IQCH: variants seen among roughly 807,000 people sequenced by gnomAD.
The protein encoded by IQCH is IQ domain-containing protein H.
Under a neutral mutation model 117.0 loss-of-function variants are expected in IQCH, and 98 were observed. That is an observed-to-expected ratio of 0.84 (90% confidence interval 0.71 to 0.99). IQCH has a LOEUF of 0.99. Ranked by LOEUF, IQCH falls within the 50% of genes least tolerant of loss-of-function variation. IQCH has a pLI of 0.00. For synonymous variants in IQCH, 412 were observed against 448.2 expected (o/e 0.92, Z 1.02); for missense variants, 1,102 against 1,243.8 (o/e 0.89, Z 1.72).
At chr15:67,258,559 G>A (rs890745315) in intron 1 of IQCH, among the ~76,000 whole-genome samples, 20 of 150,430 alleles carry the variant, frequency 1.3e-4, no homozygotes, top group Admixed American at 3.3e-4. Flanking sequence ...TGAAGTTAAA[G>A]ATAATTGAGG....
intron 19 of IQCH, among the ~76,000 whole-genome samples, chr15:67,492,360 G>T (rs867595810): frequency 2.6e-5 from 4 of 152,162 alleles, no homozygotes; most frequent in African/African-American, 9.7e-5. Flanking sequence ...GCTGGGACAC[G>T]ACTGGAACCA....
intron 2 of IQCH, among the ~76,000 whole-genome samples, chr15:67,262,030 A>C (rs924841128): frequency 6.6e-6 from 1 of 152,178 alleles, no homozygotes; most frequent in Non-Finnish European, 1.5e-5. Flanking sequence ...TTGAGGCTGC[A>C]GTAAGCCTTG....
At chr15:67,288,853 GCA>G (rs1966658459) in intron 4 of IQCH, among the ~76,000 whole-genome samples, 1 of 152,144 alleles carries the variant, frequency 6.6e-6, no homozygotes, top group South Asian at 2.1e-4. Flanking sequence ...ACAGAAAGAA[GCA>G]CTGTGGGCTA....
intron 4 of IQCH, among the ~76,000 whole-genome samples, chr15:67,287,131 A>C (rs1187819120): frequency 1.3e-5 from 2 of 152,216 alleles, no homozygotes; most frequent in African/African-American, 4.8e-5. Flanking sequence ...CCCACTGGTC[A>C]TGATGAATTA....
At position 67,395,625 on chromosome 15, in the gene IQCH, C is replaced by A; in HGVS notation, c.1905+62C>A. ...TTTGAAACATCCTCTTGATCTTGGA[C>A]AATTTCCAAGTCTTCTGGAGCCAGA... On this transcript the variant is annotated intron_variant, in intron 13 of 20. Coordinates refer to ENST00000335894, the MANE Select transcript of IQCH (RefSeq NM_001031715.3). The surrounding 1 kb of genome is among the most constrained non-coding windows in gnomAD (Gnocchi z 4.0). 1.3e-6 allele frequency: 2 copies of A among 1,534,720 alleles called. No individual in the cohort carries two copies. Among genetic ancestry groups the A allele is most frequent in the Non-Finnish European group, 1.8e-6 (2 of 1,124,174 alleles).
chr15:67,320,142 A>G (rs1968045646), intron 4 of IQCH, among the ~76,000 whole-genome samples: 1 of 152,230 alleles, frequency 6.6e-6, no homozygotes, highest in South Asian at 2.1e-4. Context: ...ACTGCTCAGG[A>G]AGGGATGCCA....
chr15:67,315,216 C>G (rs551020919), intron 4 of IQCH, among the ~76,000 whole-genome samples: 1 of 152,244 alleles, frequency 6.6e-6, no homozygotes, highest in Admixed American at 6.5e-5. Context: ...CATATTTTCT[C>G]CTTATTAGAA....
Position 67,372,150 on chromosome 15 carries a change from C to T in IQCH, c.793C>T (p.Leu265=). 2 of 1,613,124 alleles carry T rather than the reference C, an allele frequency of 1.2e-6. No individual in the cohort carries two copies. Among genetic ancestry groups the T allele is most frequent in the Non-Finnish European group, 1.7e-6 (2 of 1,179,682 alleles). ...VKTPLRALKS[L]WDYDFLIYDG... ...AACACCTTTGAGAGCCCTGAAATCA[C>T]TGTGGGATTATGACTTTTTAATTTA... is the stretch of plus-strand genomic sequence containing the variant. Residue 265 remains leucine (L), a synonymous_variant, in exon 9 of 21, where the codon CTG becomes TTG. Coordinates refer to ENST00000335894, the MANE Select transcript of IQCH (RefSeq NM_001031715.3).
In IQCH at chr15:67,494,424, C is replaced by G. The variant is rs1435330226; in HGVS notation, c.2970+58C>G. 2 of 1,162,216 alleles carry G rather than the reference C, an allele frequency of 1.7e-6. No individual in the cohort carries two copies. The highest frequency in any genetic ancestry group is 3.0e-5 in the African/African-American group (2 of 66,102). The allele number at this position is 1,162,216 out of a possible 1,614,324, so 72.0% of individuals were successfully genotyped here. On this transcript the variant is annotated intron_variant, in intron 20 of 20. Coordinates refer to ENST00000335894, the MANE Select transcript of IQCH (RefSeq NM_001031715.3). This position sits in a 1 kb window ranked among gnomAD's most constrained non-coding sequence, Gnocchi z 5.5. ...ATTTCTATACAAGGGCTGAAAATAC[C>G]TCATGCTGTATTGTAAACAAGTGCT...
intron 1 of IQCH, among the ~76,000 whole-genome samples, chr15:67,260,350 T>C (rs937834570): frequency 2.6e-5 from 4 of 152,118 alleles, no homozygotes; most frequent in African/African-American, 9.7e-5. Context: ...CCAAGGAAAA[T>C]ACAAATTGAA....
At chr15:67,276,716 A>T (rs567437529) in intron 3 of IQCH, among the ~76,000 whole-genome samples, 1 of 151,656 alleles carries the variant, frequency 6.6e-6, no homozygotes, top group Admixed American at 6.6e-5. Flanking sequence ...AGGTAAGGTA[A>T]TTTTTTTTCT....
chr15:67,357,491 A>C, intron 7 of IQCH, 70 bp downstream of exon 7: 1 of 995,542 alleles, frequency 1.0e-6, no homozygotes, highest in East Asian at 2.5e-5. Flanking sequence ...ATATTTGGTG[A>C]TTTACACGTT....
At chr15:67,304,899 G>A (rs1175584304) in intron 4 of IQCH, among the ~76,000 whole-genome samples, 1 of 152,022 alleles carries the variant, frequency 6.6e-6, no homozygotes, top group Non-Finnish European at 1.5e-5. Context: ...TCTGAGGCAA[G>A]CAGGGACTAA....
chr15:67,424,685 GGATA>G lies in IQCH; in HGVS notation c.2505+3117_2505+3120del, dbSNP rs778405105. On this transcript the variant is annotated intron_variant, in intron 16 of 20. Transcript: ENST00000335894. This position sits in a 1 kb window ranked among gnomAD's most constrained non-coding sequence, Gnocchi z 4.9. Reference sequence around the variant, plus strand: ...AGCTCAAACATTCATTGGATGAATGGGATAGATAGATATTAGATTCTCTGATTTT... The same window carrying G: ...AGCTCAAACATTCATTGGATGAATGGGATAGATATTAGATTCTCTGATTTT... 7.2e-5 allele frequency among the ~76,000 whole-genome samples: 11 copies of G among 152,060 alleles called. No individual in the cohort carries two copies. Among genetic ancestry groups the G allele is most frequent in the Non-Finnish European group, 1.2e-4 (8 of 68,020 alleles).
At chr15:67,483,323 C>G (rs2083387329) in intron 18 of IQCH, among the ~76,000 whole-genome samples, 1 of 152,126 alleles carries the variant, frequency 6.6e-6, no homozygotes, top group African/African-American at 2.4e-5. Flanking sequence ...TTGAGACCAC[C>G]CTAACCAACA....
In IQCH at chr15:67,494,926, T is replaced by C. The variant is rs1157083099; in HGVS notation, c.2970+560T>C. 6.6e-6 allele frequency among the ~76,000 whole-genome samples: 1 copy of C among 152,226 alleles called. No homozygotes were observed. The highest frequency in any genetic ancestry group is 1.5e-5 in the Non-Finnish European group (1 of 68,042). ...GCCTTCTTATGACCTTTAAAGATGT[T>C]GGTCTATCAAATCCAGTTGTGTATA... On this transcript the variant is annotated intron_variant, in intron 20 of 20. Coordinates refer to ENST00000335894, the MANE Select transcript of IQCH (RefSeq NM_001031715.3). The surrounding 1 kb of genome is among the most constrained non-coding windows in gnomAD (Gnocchi z 5.5).
intron 4 of IQCH, among the ~76,000 whole-genome samples, chr15:67,283,625 T>G (rs1023139293): frequency 2.0e-5 from 3 of 152,110 alleles, no homozygotes; most frequent in African/African-American, 7.2e-5. Context: ...GTGGGAAATA[T>G]CTTTGATAGC....
rs1411387207 is a variant in IQCH at position 67,454,963 on chromosome 15, T to C, written c.2506-10164T>C. On this transcript the variant is annotated intron_variant, in intron 16 of 20. Coordinates refer to ENST00000335894, the MANE Select transcript of IQCH (RefSeq NM_001031715.3). This position sits in a 1 kb window ranked among gnomAD's most constrained non-coding sequence, Gnocchi z 5.2. ...GTCAAATGGTAACTCAAAGTTTAAC[T>C]TTTTTAGGAACTGTCAAAGTGTTTT... Among the ~76,000 whole-genome samples, 1 of 152,214 alleles carries C rather than the reference T, an allele frequency of 6.6e-6. No individual in the cohort carries two copies. The highest frequency in any genetic ancestry group is 1.9e-4 in the East Asian group (1 of 5,200).
chr15:67,316,778 T>C (rs4776920), intron 4 of IQCH, among the ~76,000 whole-genome samples: 45,119 of 151,992 alleles, frequency 0.3, 6,887 homozygotes, highest in South Asian at 0.37. Context: ...AGTCAAAGGA[T>C]CATAATTCAA....
Sources: gnomAD v4.1 joint callset for allele counts (sites outside exome capture counted in the v4.1 genomes callset) on GRCh38, gnomAD v4.1.1 for gene constraint, Gnocchi (gnomAD v3.1) non-coding constraint, MANE v1.5 for transcripts, NCBI Gene and HGNC (gene_info 2026-07-23, HGNC 2026-07-21) for gene names.